The following MRPL1 variants were observed in gnomAD, a reference collection of about 807,000 sequenced individuals.
MRPL1 encodes the protein mitochondrial ribosomal protein L1.
MRPL1 carries 28 observed loss-of-function variants against 38.0 expected under a neutral mutation model. The ratio of observed to expected loss-of-function variants is 0.74; its 90% CI spans 0.55 to 1.01. MRPL1 has a LOEUF of 1.01. Among genes scored for constraint, MRPL1 ranks in the 50% least tolerant of loss-of-function variants. MRPL1 has a pLI of 0.00. For synonymous variants in MRPL1, 123 were observed against 126.7 expected, an observed-to-expected ratio of 0.97 and a Z score of 0.20; for missense variants, 358 against 389.8, an observed-to-expected ratio of 0.92 and a Z score of 0.69.
intron 6 of MRPL1, among the ~76,000 whole-genome samples, chr4:77,906,182 C>G (rs1411297562): frequency 6.6e-6 from 1 of 152,020 alleles, no homozygotes; most frequent in Non-Finnish European, 1.5e-5. Context: ...AATGAAATAG[C>G]CAGTGAGAAT....
chr4:77,887,169 T>G (rs762600385), intron 4 of MRPL1, 51 bp from the exon 5 acceptor site: 1 of 1,346,444 alleles, frequency 7.4e-7, no homozygotes, highest in Non-Finnish European at 1.1e-6. Flanking sequence ...CAAAGCAGAC[T>G]GAATATATTT....
Position 77,949,794 on chromosome 4 carries a change from C to T in MRPL1, c.778-3C>T. 1 of 1,583,976 alleles carries T rather than the reference C, an allele frequency of 6.3e-7. No individual in the cohort carries two copies. On this transcript the variant is annotated splice_region_variant and splice_polypyrimidine_tract_variant and intron_variant, in intron 7 of 8. Coordinates refer to ENST00000315567, the MANE Select transcript of MRPL1 (RefSeq NM_020236.4). The stretch of plus-strand genomic sequence containing the variant: ...TAATGTTATGTATATTATTTTCTTT[C>T]AGTTGGATATGTCAAGTGACCAGAT...
intron 6 of MRPL1, 79 bp downstream of exon 6, chr4:77,894,329 C>A: frequency 1.2e-6 from 1 of 853,688 alleles, no homozygotes; most frequent in African/African-American, 1.7e-5. Flanking sequence ...CAAAGTTGTT[C>A]ATGTATGCGT....
At chr4:77,891,247 G>A (rs1156507500) in intron 5 of MRPL1, among the ~76,000 whole-genome samples, 1 of 151,280 alleles carries the variant, frequency 6.6e-6, no homozygotes, top group African/African-American at 2.4e-5. Context: ...TAGAATCAGA[G>A]AACTAATCTT....
intron 7 of MRPL1, among the ~76,000 whole-genome samples, chr4:77,916,065 G>A (rs1736416855): frequency 6.6e-6 from 1 of 152,062 alleles, no homozygotes; most frequent in African/African-American, 2.4e-5. Flanking sequence ...TTCCCCCAAT[G>A]GCTCTTTCCA....
At chr4:77,913,022 C>T (rs1265285623) in intron 7 of MRPL1, among the ~76,000 whole-genome samples, 2 of 151,906 alleles carry the variant, frequency 1.3e-5, no homozygotes, top group African/African-American at 4.8e-5. Context: ...ACCAATACTT[C>T]AAGACATATA....
chr4:77,890,783 A>G (rs570490911), intron 5 of MRPL1, among the ~76,000 whole-genome samples: 1 of 152,372 alleles, frequency 6.6e-6, no homozygotes, highest in South Asian at 2.1e-4. Flanking sequence ...AACTTCAGCA[A>G]AGTCTCAGGA....
intron 7 of MRPL1, among the ~76,000 whole-genome samples, chr4:77,920,556 G>A (rs1190470919): frequency 6.6e-6 from 1 of 152,184 alleles, no homozygotes; most frequent in Non-Finnish European, 1.5e-5. Flanking sequence ...AGGGAAAACT[G>A]CTGAGCAGAG....
At chr4:77,913,373 A>G (rs1736334768) in intron 7 of MRPL1, among the ~76,000 whole-genome samples, 1 of 152,212 alleles carries the variant, frequency 6.6e-6, no homozygotes, top group Non-Finnish European at 1.5e-5. Flanking sequence ...ATGGAGATAT[A>G]TAGATGACAA....
Position 77,913,010 on chromosome 4 carries a change from C to T in MRPL1, c.777+3638C>T, listed in dbSNP as rs573028263. On this transcript the variant is annotated intron_variant, in intron 7 of 8. Transcript: ENST00000315567. ...TGTCTATATGTCATAAAATGAAATT[C>T]AACCAATACTTCAAGACATATATAA... Among the ~76,000 whole-genome samples, 65 of 152,148 alleles carry T rather than the reference C, an allele frequency of 4.3e-4. 3 individuals carry two copies. The South Asian group carries it at 0.013, about 30-fold the overall frequency.
chr4:77,917,173 C>T (rs569845272), intron 7 of MRPL1, among the ~76,000 whole-genome samples: 40 of 152,152 alleles, frequency 2.6e-4, no homozygotes, highest in African/African-American at 9.2e-4. Context: ...TTTCATATTC[C>T]TAGCCCCACT....
At position 77,883,437 on chromosome 4, in the gene MRPL1, C is replaced by T. The variant is rs1484174778; in HGVS notation, c.339C>T (p.Asp113=). 1.9e-6 allele frequency: 3 copies of T among 1,613,710 alleles called. No individual in the cohort carries two copies. The African/African-American group carries it at 4.0e-5, about 22-fold the overall frequency. Residue 113 remains aspartate, a synonymous_variant, in exon 3 of 9, where the codon GAC becomes GAT. Coordinates refer to ENST00000315567, the MANE Select transcript of MRPL1 (RefSeq NM_020236.4). ...TACTTAAGAAATTTCAAATTCTTGA[C>T]TTTACTAGTCCAAAGCAAAGTGTTT... ...VHLLKKFQIL[D]FTSPKQSVYL... is the part of the protein sequence containing the mutation.
chr4:77,928,131 T>A (rs895704759), intron 7 of MRPL1, among the ~76,000 whole-genome samples: 1 of 152,216 alleles, frequency 6.6e-6, no homozygotes, highest in African/African-American at 2.4e-5. Flanking sequence ...ATTGTCAACC[T>A]GGCAGCTGAT....
At chr4:77,936,306 T>C (rs951987477) in intron 7 of MRPL1, among the ~76,000 whole-genome samples, 8 of 152,126 alleles carry the variant, frequency 5.3e-5, no homozygotes, top group African/African-American at 1.9e-4. Flanking sequence ...ATTATGTAGA[T>C]ATATAATTAT....
intron 7 of MRPL1, among the ~76,000 whole-genome samples, chr4:77,949,247 T>G (rs567710420): frequency 1.3e-5 from 2 of 152,354 alleles, no homozygotes; most frequent in South Asian, 4.1e-4. Context: ...TGAATAGAAC[T>G]CATTCACTGT....
intron 1 of MRPL1, among the ~76,000 whole-genome samples, chr4:77,865,497 C>CTGCAG (rs1287791850): frequency 2.6e-5 from 4 of 151,780 alleles, no homozygotes; most frequent in African/African-American, 9.7e-5. Flanking sequence ...TCACGGCTCA[C>CTGCAG]TGCAGCCTTG....
In MRPL1 at chr4:77,873,302, A is replaced by G. The variant is rs191161741; in HGVS notation, c.143+1447A>G. On this transcript the variant is annotated intron_variant, in intron 2 of 8. Coordinates refer to ENST00000315567, the MANE Select transcript of MRPL1 (RefSeq NM_020236.4). ...GTCCAGAGGTTAAGTAATACGTTCAAAGTTACACAACTAGAATGTGTTGGA... is the reference window on the plus strand; with the variant it reads ...GTCCAGAGGTTAAGTAATACGTTCAGAGTTACACAACTAGAATGTGTTGGA... Among the ~76,000 whole-genome samples, 415 of 152,360 alleles carry G rather than the reference A, an allele frequency of 2.7e-3. 4 individuals carry two copies. Among genetic ancestry groups the G allele is most frequent in the African/African-American group, 9.5e-3 (395 of 41,596 alleles).
At chr4:77,894,331 T>C in intron 6 of MRPL1, 81 bp downstream of exon 6, 2 of 841,244 alleles carry the variant, frequency 2.4e-6, no homozygotes, top group Non-Finnish European at 3.9e-6. Flanking sequence ...AAGTTGTTCA[T>C]GTATGCGTAG....
At chr4:77,907,085 G>A in intron 6 of MRPL1, 1 of 985,360 alleles carries the variant, frequency 1.0e-6, no homozygotes, top group Non-Finnish European at 1.2e-6. Flanking sequence ...TCCTCACATT[G>A]ATTCATCTAT....
Sources: allele counts gnomAD v4.1 joint callset (sites outside exome capture counted in the v4.1 genomes callset), GRCh38; gene constraint gnomAD v4.1.1; transcripts MANE v1.5; gene names NCBI Gene and HGNC (gene_info 2026-07-23, HGNC 2026-07-21).